CELF2: variants seen among roughly 807,000 people sequenced by gnomAD.
The protein encoded by CELF2 is CUG triplet repeat RNA-binding protein 2.
In CELF2, 8 loss-of-function variants were observed where a neutral mutation model predicts 62.6. That is an observed-to-expected ratio of 0.13 (90% CI 0.07 to 0.23). The LOEUF (loss-of-function observed/expected upper bound fraction) is 0.23, where lower values mean the gene tolerates loss of function less well. Ranked by LOEUF, CELF2 falls within the 10% of genes least tolerant of loss-of-function variation. The pLI is 1.00. For missense variants in CELF2, 333 were observed against 671.0 expected, an observed-to-expected ratio of 0.50 and a Z score of 5.56; for synonymous variants, 258 against 250.0, an observed-to-expected ratio of 1.03 and a Z score of -0.30.
At chr10:11,127,739 T>C (rs2058966311) in intron 1 of CELF2, among the ~76,000 whole-genome samples, 1 of 151,972 alleles carries the variant, frequency 6.6e-6, no homozygotes, top group South Asian at 2.1e-4. Context: ...TTTGGTGGGG[T>C]TTTTTCTTGT....
Position 11,280,589 on chromosome 10 carries a change from T to TC in CELF2, c.841+5473dup, listed in dbSNP as rs1302164112. The stretch of plus-strand genomic sequence containing the variant: ...CCCAGGAACACTGGGGCCAAGACAG[T>TC]CCCCACGCTCTTCTCGCCCCGGGTT... On this transcript the variant is annotated intron_variant, in intron 8 of 12. Coordinates refer to ENST00000633077, the MANE Select transcript of CELF2 (RefSeq NM_001326342.2). This position sits in a 1 kb window ranked among gnomAD's most constrained non-coding sequence, Gnocchi z 7.6. Among the ~76,000 whole-genome samples, 3 of 152,032 alleles carry TC rather than the reference T, an allele frequency of 2.0e-5. No homozygotes were observed.
intron 1 of CELF2, among the ~76,000 whole-genome samples, chr10:11,025,481 C>T (rs546852023): frequency 7.9e-5 from 12 of 152,070 alleles, no homozygotes; most frequent in Non-Finnish European, 1.2e-4. Context: ...AACGCTTTCC[C>T]TTCTTGCCAC....
chr10:10,538,906 A>T, the CELF2 span, among the ~76,000 whole-genome samples: 1 of 152,194 alleles, frequency 6.6e-6, no homozygotes, highest in Non-Finnish European at 1.5e-5. Flanking sequence ...TTTGAGTGTC[A>T]TCCTTTGTTT....
upstream of CELF2, among the ~76,000 whole-genome samples, chr10:11,001,425 G>T (rs796146149): frequency 2.9e-4 from 44 of 152,212 alleles, 1 homozygote; most frequent in African/African-American, 1.0e-3. Context: ...CTTTTGCAAT[G>T]TAAATGCCAA....
chr10:11,000,976 G>A (rs2054462770), upstream of CELF2, among the ~76,000 whole-genome samples: 2 of 152,202 alleles, frequency 1.3e-5, no homozygotes. Flanking sequence ...TTCTGCAGTT[G>A]ATAAATTGGG....
chr10:10,962,225 TAGCACCAC>T (rs542188448), intron 2 of CELF2, among the ~76,000 whole-genome samples: 20 of 152,236 alleles, frequency 1.3e-4, no homozygotes, highest in African/African-American at 3.4e-4. Flanking sequence ...GCAGGTGCCA[TAGCACCAC>T]AGCACCACAG....
intron 9 of CELF2, among the ~76,000 whole-genome samples, chr10:11,293,857 G>T (rs1021588271): frequency 6.6e-6 from 1 of 152,212 alleles, no homozygotes; most frequent in Admixed American, 6.5e-5. Context: ...ATGTTTAAGG[G>T]CCATCTGTTC....
chr10:11,273,392 A>G (rs2084627710), intron 7 of CELF2, among the ~76,000 whole-genome samples: 1 of 152,154 alleles, frequency 6.6e-6, no homozygotes, highest in African/African-American at 2.4e-5. Context: ...TGAAGGGTCT[A>G]GGTTGCGTGC....
At position 11,157,293 on chromosome 10, in the gene CELF2, G is replaced by GC. The variant is rs1186822688; in HGVS notation, c.75-8191dup. On this transcript the variant is annotated intron_variant, in intron 1 of 12. Coordinates refer to ENST00000633077, the MANE Select transcript of CELF2 (RefSeq NM_001326342.2). The surrounding 1 kb of genome is among the most constrained non-coding windows in gnomAD (Gnocchi z 4.9). Reference sequence around the variant, plus strand: ...CCCAGCTCCCTTCCTTGTTAGAGCCGCCTTTTTCTCCCCAGTTTTTTGTTT... The same window carrying GC: ...CCCAGCTCCCTTCCTTGTTAGAGCCGCCCTTTTTCTCCCCAGTTTTTTGTTT... Among the ~76,000 whole-genome samples, 1 of 152,076 alleles carries GC rather than the reference G, an allele frequency of 6.6e-6. No homozygotes were observed. The highest frequency in any genetic ancestry group is 1.5e-5 in the Non-Finnish European group (1 of 68,016).
the CELF2 span, among the ~76,000 whole-genome samples, chr10:10,766,119 A>AATCTAACTAAGTGCAATCT: frequency 3.3e-5 from 5 of 152,316 alleles, no homozygotes; most frequent in African/African-American, 1.2e-4. Flanking sequence ...AACTTGGTGG[A>AATCTAACTAAGTGCAATCT]AACTAAGATT....
chr10:10,579,936 G>A, the CELF2 span, among the ~76,000 whole-genome samples: 1 of 151,746 alleles, frequency 6.6e-6, no homozygotes, highest in Non-Finnish European at 1.5e-5. Context: ...TGCTGATGGG[G>A]AAAAAAATGA....
At position 11,324,629 on chromosome 10, in the gene CELF2, G is replaced by C. The variant is rs974095604; in HGVS notation, c.1295-1207G>C. ...TGGCTTCCATAGTTTGCCTCAAGAA[G>C]TTTTCTTTGTGAAAAGTCCCAATCA... On this transcript the variant is annotated intron_variant, in intron 11 of 12. Transcript: ENST00000633077. This position sits in a 1 kb window ranked among gnomAD's most constrained non-coding sequence, Gnocchi z 4.7. Among the ~76,000 whole-genome samples the C allele has an allele frequency of 1.3e-5, 2 of 152,218 alleles. No homozygotes were observed. Among genetic ancestry groups the C allele is most frequent in the Non-Finnish European group, 1.5e-5 (1 of 68,028 alleles).
chr10:11,176,120 T>C (rs756284173), intron 2 of CELF2, among the ~76,000 whole-genome samples: 2 of 152,176 alleles, frequency 1.3e-5, no homozygotes, highest in Non-Finnish European at 2.9e-5. Context: ...ACCAAGGCCA[T>C]GTGATGGTAC....
intron 2 of CELF2, among the ~76,000 whole-genome samples, chr10:10,954,004 T>C (rs1036424176): frequency 6.6e-5 from 10 of 151,748 alleles, no homozygotes; most frequent in African/African-American, 2.2e-4. Context: ...TTTTAAAACA[T>C]GTGAAAAGAT....
the CELF2 span, among the ~76,000 whole-genome samples, chr10:10,658,959 C>T: frequency 6.6e-6 from 1 of 152,156 alleles, no homozygotes. Context: ...TTTGTAACCA[C>T]TTACCCAGAG....
chr10:10,713,205 C>A, the CELF2 span, among the ~76,000 whole-genome samples: 1 of 152,206 alleles, frequency 6.6e-6, no homozygotes, highest in Non-Finnish European at 1.5e-5. Context: ...AGCAGCCCCA[C>A]CTTCTGTCAC....
chr10:11,275,137 G>A lies in CELF2; in HGVS notation c.841+17G>A, dbSNP rs750603627. ...AAATGGCAGGTAAGTCAGGAAGCAC[G>A]CCTCTCCTTTTGACCGTGCTATTGT... On this transcript the variant is annotated intron_variant, in intron 8 of 12. Coordinates refer to ENST00000633077, the MANE Select transcript of CELF2 (RefSeq NM_001326342.2). 8.1e-6 allele frequency: 13 copies of A among 1,613,584 alleles called. No homozygotes were observed. The highest frequency in any genetic ancestry group is 2.2e-5 in the East Asian group (1 of 44,894).
the CELF2 span, among the ~76,000 whole-genome samples, chr10:10,660,020 T>C: frequency 2.6e-5 from 4 of 152,144 alleles, no homozygotes; most frequent in Admixed American, 6.5e-5. Context: ...GAGAGCTGAA[T>C]ATGCTGCTGG....
chr10:10,952,907 G>A (rs962199642), intron 2 of CELF2, among the ~76,000 whole-genome samples: 1 of 152,140 alleles, frequency 6.6e-6, no homozygotes, highest in Non-Finnish European at 1.5e-5. Context: ...CAGGCATCCA[G>A]AATTATCTCT....
Sources: allele counts gnomAD v4.1 joint callset (sites outside exome capture counted in the v4.1 genomes callset), GRCh38; gene constraint gnomAD v4.1.1; non-coding constraint Gnocchi (gnomAD v3.1); transcripts MANE v1.5; gene names NCBI Gene and HGNC (gene_info 2026-07-23, HGNC 2026-07-21).